PSD2: variants seen among roughly 807,000 people sequenced by gnomAD.
PSD2 encodes the protein pleckstrin and Sec7 domain containing 2.
PSD2 carries 38 observed loss-of-function variants against 69.8 expected under a neutral mutation model. That is an observed-to-expected ratio of 0.54 (90% CI 0.42 to 0.71). The LOEUF (loss-of-function observed/expected upper bound fraction) is 0.71. PSD2 is among the 30% of genes least tolerant of loss of function. The pLI is 0.00. For missense variants in PSD2, 943 were observed against 1,014.5 expected (o/e 0.93, Z 0.96); for synonymous variants, 412 against 423.0 (o/e 0.97, Z 0.32).
chr5:139,742,502 G>A, the PSD2 span: 1 of 152,566 alleles, frequency 6.6e-6, no homozygotes, highest in Non-Finnish European at 1.5e-5. Context: ...CAACCAGGCT[G>A]TCAACACCAG....
At chr5:139,767,195 G>A in the PSD2 span, among the ~76,000 whole-genome samples, 15 of 151,376 alleles carry the variant, frequency 9.9e-5, no homozygotes, top group East Asian at 5.8e-4. Context: ...AGATTTCACC[G>A]TGTTAGCCAG....
At chr5:139,789,445 G>A in the PSD2 span, among the ~76,000 whole-genome samples, 2 of 152,200 alleles carry the variant, frequency 1.3e-5, no homozygotes, top group African/African-American at 4.8e-5. Flanking sequence ...GTGTTTCGAA[G>A]CCCTTCTAAT....
intron 7 of PSD2, among the ~76,000 whole-genome samples, chr5:139,824,662 G>A (rs1046207340): frequency 1.3e-5 from 2 of 152,156 alleles, no homozygotes; most frequent in East Asian, 1.9e-4. Context: ...TGCTCCACAC[G>A]AAGGCTGTGT....
At chr5:139,748,753 T>TGCTC in the PSD2 span, among the ~76,000 whole-genome samples, 1 of 152,338 alleles carries the variant, frequency 6.6e-6, no homozygotes, top group East Asian at 1.9e-4. Flanking sequence ...CTCGTCTGTC[T>TGCTC]CGGCTCCGCG....
At chr5:139,824,757 G>A (rs533126263) in intron 7 of PSD2, among the ~76,000 whole-genome samples, 20 of 152,124 alleles carry the variant, frequency 1.3e-4, no homozygotes, top group African/African-American at 4.6e-4. Flanking sequence ...AGTAAAGCTC[G>A]TACCCAAGGC....
chr5:139,767,853 C>T, the PSD2 span, among the ~76,000 whole-genome samples: 11 of 152,270 alleles, frequency 7.2e-5, no homozygotes, highest in African/African-American at 2.2e-4. Flanking sequence ...AGGTAAGGCT[C>T]TTGCTCAGAG....
At chr5:139,767,969 A>G in the PSD2 span, among the ~76,000 whole-genome samples, 28,202 of 152,204 alleles carry the variant, frequency 0.19, 2,838 homozygotes, top group African/African-American at 0.28. Flanking sequence ...TGCCTCAGCT[A>G]GGGCTGGAGG....
the PSD2 span, among the ~76,000 whole-genome samples, chr5:139,790,250 C>T: frequency 8.5e-5 from 13 of 152,088 alleles, no homozygotes; most frequent in East Asian, 1.5e-3. Flanking sequence ...GTGATGTTTA[C>T]GGCAAAGAGG....
At chr5:139,780,551 C>T in the PSD2 span, among the ~76,000 whole-genome samples, 1 of 152,132 alleles carries the variant, frequency 6.6e-6, no homozygotes, top group African/African-American at 2.4e-5. Context: ...TCAAGTGATT[C>T]TCCTGCCTCA....
the PSD2 span, among the ~76,000 whole-genome samples, chr5:139,748,245 C>G: frequency 1.6e-4 from 24 of 151,818 alleles, no homozygotes; most frequent in African/African-American, 4.4e-4. Flanking sequence ...AGAACCCAGC[C>G]CTGCCACATC....
chr5:139,783,388 G>A, the PSD2 span, among the ~76,000 whole-genome samples: 62 of 152,324 alleles, frequency 4.1e-4, 1 homozygote, highest in Admixed American at 4.0e-3. Flanking sequence ...GCTACAATGA[G>A]CTATGATTGC....
chr5:139,833,804 G>A lies in PSD2; in HGVS notation c.1359+13G>A, dbSNP rs1561606797. ...AGACCTGCTGAAGGTACTGTCTGCT[G>A]AGTGTCCCCATCCCACTAGCTGTGC... On this transcript the variant is annotated intron_variant, in intron 8 of 14. Coordinates refer to ENST00000274710, the MANE Select transcript of PSD2 (RefSeq NM_032289.4). 1.9e-6 allele frequency: 3 copies of A among 1,592,156 alleles called. No homozygotes were observed. The highest frequency in any genetic ancestry group is 1.7e-5 in the Admixed American group (1 of 60,010).
the PSD2 span, among the ~76,000 whole-genome samples, chr5:139,772,137 A>G: frequency 7.2e-5 from 11 of 152,048 alleles, no homozygotes; most frequent in African/African-American, 2.7e-4. Context: ...AGGGAGTGGG[A>G]GTGGGAGTGG....
chr5:139,800,679 G>T (rs550793436), intron 1 of PSD2, among the ~76,000 whole-genome samples: 1 of 152,144 alleles, frequency 6.6e-6, no homozygotes, highest in Admixed American at 6.5e-5. Flanking sequence ...GGCTCCCAGT[G>T]CCACACTCAC....
chr5:139,759,654 G>A, the PSD2 span, among the ~76,000 whole-genome samples: 17 of 152,330 alleles, frequency 1.1e-4, no homozygotes, highest in African/African-American at 3.4e-4. Flanking sequence ...GCCGCGCCAC[G>A]CCGGGCCCTT....
At chr5:139,776,403 C>T in the PSD2 span, among the ~76,000 whole-genome samples, 140 of 152,346 alleles carry the variant, frequency 9.2e-4, no homozygotes, top group African/African-American at 3.2e-3. Context: ...AGAAGGGCAT[C>T]CTGAGGCCCA....
chr5:139,809,649 G>A lies in PSD2; in HGVS notation c.209G>A (p.Gly70Asp). 3 of 1,614,270 alleles carry A rather than the reference G, an allele frequency of 1.9e-6. No homozygotes were observed. The highest frequency in any genetic ancestry group is 2.5e-6 in the Non-Finnish European group (3 of 1,180,048). The stretch of plus-strand genomic sequence containing the variant: ...AAGGACCCAGATGTGGCCTTCCATG[G>A]CCTCAGCCTTGGCCTCTCTCTCACC... Reference protein sequence around the residue: ...PTKDPDVAFHGLSLGLSLTNG... With the variant: ...PTKDPDVAFHDLSLGLSLTNG... Residue 70 changes from glycine to aspartate, a missense_variant, in exon 2 of 15, where the codon GGC becomes GAC. Coordinates refer to ENST00000274710, the MANE Select transcript of PSD2 (RefSeq NM_032289.4).
At chr5:139,803,739 G>A (rs1759728915) in intron 1 of PSD2, among the ~76,000 whole-genome samples, 1 of 152,320 alleles carries the variant, frequency 6.6e-6, no homozygotes, top group East Asian at 1.9e-4. Flanking sequence ...GTCACTTTGG[G>A]ATGTGGAATC....
the PSD2 span, among the ~76,000 whole-genome samples, chr5:139,786,798 C>G: frequency 6.6e-6 from 1 of 152,128 alleles, no homozygotes; most frequent in Non-Finnish European, 1.5e-5. Context: ...TCAGACCTGC[C>G]TTAGCCAACT....
Sources: gnomAD v4.1 joint callset for allele counts (sites outside exome capture counted in the v4.1 genomes callset) on GRCh38, gnomAD v4.1.1 for gene constraint, MANE v1.5 for transcripts, NCBI Gene and HGNC (gene_info 2026-07-23, HGNC 2026-07-21) for gene names.